TRAM2: variants seen among roughly 807,000 people sequenced by gnomAD.
TRAM2 encodes translocation associated membrane protein 2, also known as translocating chain-associated membrane protein 2.
In TRAM2, 12 loss-of-function variants were observed where a neutral mutation model predicts 51.0. The observed-to-expected ratio is 0.24, with a 90% CI of 0.15 to 0.38. The LOEUF (loss-of-function observed/expected upper bound fraction) is 0.38. Ranked by LOEUF, TRAM2 falls within the 10% of genes least tolerant of loss-of-function variation. TRAM2 has a pLI of 1.00. For missense variants in TRAM2, 361 were observed against 462.0 expected (o/e 0.78, Z 2.00); for synonymous variants, 175 against 179.4 (o/e 0.98, Z 0.20).
At chr6:52,505,312 A>G (rs890023244) in intron 9 of TRAM2, among the ~76,000 whole-genome samples, 12 of 152,210 alleles carry the variant, frequency 7.9e-5, no homozygotes, top group African/African-American at 2.9e-4. Context: ...AATGATATCA[A>G]CTGAGAGACT....
In TRAM2 at chr6:52,503,064, C is replaced by G. The variant is rs886676341; in HGVS notation, c.*133G>C. ...AAGGAAAGCGAAACGCCCCCTCCCC[C>G]CATTGCAAGACAGGTTTCGGCTGTT... On this transcript the variant is annotated 3_prime_UTR_variant, in exon 11 of 11. Coordinates refer to ENST00000182527, the MANE Select transcript of TRAM2 (RefSeq NM_012288.4). 2.7e-6 allele frequency: 2 copies of G among 749,256 alleles called. No homozygotes were observed. Among genetic ancestry groups the G allele is most frequent in the South Asian group, 1.6e-5 (1 of 64,484 alleles). The allele number at this position is 749,256 out of a possible 1,614,324, so 46.4% of individuals were successfully genotyped here.
chr6:52,542,366 G>T (rs1767118026), intron 1 of TRAM2, among the ~76,000 whole-genome samples: 1 of 151,804 alleles, frequency 6.6e-6, no homozygotes. Flanking sequence ...TGGTCGGGGT[G>T]TGATGGACGT....
Position 52,499,792 on chromosome 6 carries a change from A to G in TRAM2, c.*3405T>C, listed in dbSNP as rs1047683288. On this transcript the variant is annotated 3_prime_UTR_variant, in exon 11 of 11. Transcript: ENST00000182527. Reference sequence around the variant, plus strand: ...AAGTTATGCCTTGGGACATGAACAGACAAGTTTCTCAGCAACCATTTCGGT... The same window carrying G: ...AAGTTATGCCTTGGGACATGAACAGGCAAGTTTCTCAGCAACCATTTCGGT... 6.6e-6 allele frequency: 1 copy of G among 152,200 alleles called. No individual in the cohort carries two copies. The highest frequency in any genetic ancestry group is 1.5e-5 in the Non-Finnish European group (1 of 68,094). The allele number at this position is 152,200 out of a possible 1,614,324, so 9.4% of individuals were successfully genotyped here.
chr6:52,536,276 T>C (rs1268477109), intron 1 of TRAM2, among the ~76,000 whole-genome samples: 1 of 152,218 alleles, frequency 6.6e-6, no homozygotes, highest in Non-Finnish European at 1.5e-5. Flanking sequence ...TGGCTGCCTG[T>C]GCATTGGAGA....
At position 52,502,866 on chromosome 6, in the gene TRAM2, C is replaced by G; in HGVS notation, c.*331G>C. On this transcript the variant is annotated 3_prime_UTR_variant, in exon 11 of 11. Transcript: ENST00000182527. ...AGGAAGTAAAAAGGAAAAGCAGCAG[C>G]CATAAGGCAAGAGACAGAGCAAGCA... The G allele has an allele frequency of 3.3e-6, 1 of 299,672 alleles. No homozygotes were observed. The allele number at this position is 299,672 out of a possible 1,614,324, so 18.6% of individuals were successfully genotyped here. A position where few individuals can be genotyped will look rare whatever the true frequency, so the allele number is the denominator to read the frequency against.
chr6:52,569,100 G>C (rs1256592261), intron 1 of TRAM2, among the ~76,000 whole-genome samples: 1 of 152,176 alleles, frequency 6.6e-6, no homozygotes, highest in Non-Finnish European at 1.5e-5. Flanking sequence ...AGAACTATGA[G>C]AAATAAATGC....
chr6:52,563,851 A>AC (rs1317909664), intron 1 of TRAM2, among the ~76,000 whole-genome samples: 2 of 137,102 alleles, frequency 1.5e-5, no homozygotes, highest in Non-Finnish European at 3.1e-5. Flanking sequence ...AAAAACACTT[A>AC]TTTTTTTTTT....
chr6:52,508,541 G>A (rs532583994), intron 5 of TRAM2, among the ~76,000 whole-genome samples: 5 of 152,278 alleles, frequency 3.3e-5, no homozygotes, highest in African/African-American at 9.6e-5. Flanking sequence ...TAAAGGACAC[G>A]GAAAGTCCAC....
chr6:52,522,853 A>C, intron 2 of TRAM2: 2 of 700,166 alleles, frequency 2.9e-6, no homozygotes, highest in Non-Finnish European at 5.2e-6. Context: ...GTTTCCTATG[A>C]CTAATAGATA....
chr6:52,524,166 G>C (rs1478089318), intron 2 of TRAM2: 1 of 152,160 alleles, frequency 6.6e-6, no homozygotes, highest in African/African-American at 2.4e-5. Flanking sequence ...AGGAAGCTGG[G>C]GTGCTGTATC....
At chr6:52,511,069 A>G (rs9474238) in intron 4 of TRAM2, among the ~76,000 whole-genome samples, 3,273 of 152,330 alleles carry the variant, frequency 0.021, 123 homozygotes, top group African/African-American at 0.074. Context: ...GGAAAATGAA[A>G]AAACAGATAG....
At position 52,503,278 on chromosome 6, in the gene TRAM2, G is replaced by A; in HGVS notation, c.1040-8C>T. The A allele has an allele frequency of 6.2e-7, 1 of 1,613,060 alleles. No individual in the cohort carries two copies. The highest frequency in any genetic ancestry group is 1.1e-5 in the South Asian group (1 of 91,070). On this transcript the variant is annotated splice_region_variant and splice_polypyrimidine_tract_variant and intron_variant, in intron 10 of 10. Transcript: ENST00000182527. ...CTCCATTTTCATGGTAACCTGGGAA[G>A]TGGAGAGAGACAAGCATACATGGTG...
At chr6:52,507,423 T>C in intron 7 of TRAM2, 130 bp downstream of exon 7, 2 of 851,392 alleles carry the variant, frequency 2.3e-6, no homozygotes, top group Non-Finnish European at 1.8e-6. Flanking sequence ...ATCTTTGTAT[T>C]GCCAAGTCTT....
At chr6:52,540,442 G>T (rs991063514) in intron 1 of TRAM2, among the ~76,000 whole-genome samples, 3 of 152,156 alleles carry the variant, frequency 2.0e-5, no homozygotes, top group Non-Finnish European at 4.4e-5. Context: ...ATTGGCTAAA[G>T]GTGGCCAGAA....
At chr6:52,506,217 T>TC in intron 7 of TRAM2, 81 bp from the exon 8 acceptor site, 2 of 1,302,838 alleles carry the variant, frequency 1.5e-6, no homozygotes, top group Non-Finnish European at 2.2e-6. Context: ...GCTCAGGCTG[T>TC]CCCCTGTGCC....
chr6:52,541,801 C>CT (rs113470524), intron 1 of TRAM2, among the ~76,000 whole-genome samples: 3 of 75,180 alleles, frequency 4.0e-5, no homozygotes, highest in Non-Finnish European at 8.2e-5. Flanking sequence ...TCAGTTTATT[C>CT]TGTTTTTTTT....
chr6:52,541,704 T>C (rs955738077), intron 1 of TRAM2, among the ~76,000 whole-genome samples: 1 of 152,072 alleles, frequency 6.6e-6, no homozygotes, highest in Non-Finnish European at 1.5e-5. Flanking sequence ...TCACTGCAAG[T>C]TGTTAGCTGG....
At chr6:52,505,946 C>G in intron 8 of TRAM2, 86 bp downstream of exon 8, 1 of 1,493,214 alleles carries the variant, frequency 6.7e-7, no homozygotes, top group South Asian at 1.1e-5. Flanking sequence ...AGTGTGCAAC[C>G]AGGGAGGGAC....
intron 10 of TRAM2, among the ~76,000 whole-genome samples, chr6:52,504,365 T>C (rs555325859): frequency 1.1e-4 from 16 of 152,062 alleles, no homozygotes; most frequent in African/African-American, 3.6e-4. Flanking sequence ...TGGCCAGGGC[T>C]CCCAGCCTAG....
Sources: allele counts gnomAD v4.1 joint callset (sites outside exome capture counted in the v4.1 genomes callset), GRCh38; gene constraint gnomAD v4.1.1; transcripts MANE v1.5; gene names NCBI Gene and HGNC (gene_info 2026-07-23, HGNC 2026-07-21).